SLC4A4: variants seen among roughly 807,000 people sequenced by gnomAD.
SLC4A4 encodes the protein solute carrier family 4 member 4.
A neutral mutation model predicts 111.5 loss-of-function variants in SLC4A4; 27 were observed. The observed-to-expected ratio is 0.24, with a 90% CI of 0.18 to 0.33. The LOEUF (loss-of-function observed/expected upper bound fraction) is 0.33, where lower values mean the gene tolerates loss of function less well. Among genes scored for constraint, SLC4A4 ranks in the 10% least tolerant of loss-of-function variants. The pLI is 1.00. For missense variants in SLC4A4, 909 were observed against 1,315.5 expected, an observed-to-expected ratio of 0.69 and a Z score of 4.78; for synonymous variants, 443 against 463.4, an observed-to-expected ratio of 0.96 and a Z score of 0.57.
chr4:71,335,935 A>AT (rs374067927), intron 3 of SLC4A4, among the ~76,000 whole-genome samples: 62 of 152,188 alleles, frequency 4.1e-4, no homozygotes, highest in African/African-American at 1.4e-3. Flanking sequence ...TATTTAGCAG[A>AT]TTTTTTTCTG....
In SLC4A4 at chr4:71,540,591, G is replaced by A. The variant is rs546795267; in HGVS notation, c.2443-5759G>A. On this transcript the variant is annotated intron_variant, in intron 18 of 25. Coordinates refer to ENST00000264485, the MANE Select transcript of SLC4A4 (RefSeq NM_001098484.3). ...TGGAACACTTGTGTTAGATGTTGAA[G>A]ATAAAAATTGTTCTACATTGCCGTC... Among the ~76,000 whole-genome samples, 22 of 152,268 alleles carry A rather than the reference G, an allele frequency of 1.4e-4. 1 individual carries two copies. Among genetic ancestry groups the A allele is most frequent in the African/African-American group, 4.1e-4 (17 of 41,562 alleles).
In SLC4A4 at chr4:71,487,006, T is replaced by A. The variant is rs762840173; in HGVS notation, c.1962T>A (p.Ser654=). ...CCCCAGAGTATTTGCCAACTATGTC[T>A]TCTACTGACATGGTAAGTGACTTAC... ...TLAPEYLPTM[S]STDMYHNTTF... Residue 654 remains serine, a synonymous_variant, in exon 15 of 26, where the codon TCT becomes TCA. Coordinates refer to ENST00000264485, the MANE Select transcript of SLC4A4 (RefSeq NM_001098484.3). 2.5e-6 allele frequency: 4 copies of A among 1,590,534 alleles called. No homozygotes were observed. The highest frequency in any genetic ancestry group is 3.4e-6 in the Non-Finnish European group (4 of 1,160,212).
At chr4:71,382,198 C>T (rs865776726) in intron 6 of SLC4A4, among the ~76,000 whole-genome samples, 9 of 151,648 alleles carry the variant, frequency 5.9e-5, no homozygotes, top group South Asian at 2.1e-4. Flanking sequence ...AAAAAAAAAT[C>T]AATGATGTGA....
intron 2 of SLC4A4, among the ~76,000 whole-genome samples, chr4:71,129,033 C>A (rs1743630742): frequency 6.6e-6 from 1 of 152,140 alleles, no homozygotes; most frequent in Admixed American, 6.5e-5. Flanking sequence ...CTAGGAAATA[C>A]CATTCTGGAC....
At chr4:71,416,304 A>G (rs1721818615) in intron 7 of SLC4A4, among the ~76,000 whole-genome samples, 3 of 152,210 alleles carry the variant, frequency 2.0e-5, no homozygotes, top group Admixed American at 2.0e-4. Context: ...AACCTTACAT[A>G]TACTGTGATT....
chr4:71,546,685 A>G, intron 19 of SLC4A4, among the ~76,000 whole-genome samples, 157 bp downstream of exon 19: 1 of 152,002 alleles, frequency 6.6e-6, no homozygotes, highest in East Asian at 1.9e-4. Flanking sequence ...TTTTCATCAG[A>G]GGTTTCAGTG....
At chr4:71,265,186 A>G (rs943492273) in intron 3 of SLC4A4, among the ~76,000 whole-genome samples, 1 of 152,178 alleles carries the variant, frequency 6.6e-6, no homozygotes, top group Admixed American at 6.5e-5. Flanking sequence ...ATTTTTGTGT[A>G]TAGGAAGAAG....
At chr4:71,559,916 G>C (rs529288864) in intron 22 of SLC4A4, among the ~76,000 whole-genome samples, 177 bp from the exon 23 acceptor site, 2 of 151,798 alleles carry the variant, frequency 1.3e-5, no homozygotes, top group African/African-American at 4.8e-5. Flanking sequence ...CTTTCCCCAT[G>C]TAGAAAATTA....
intron 7 of SLC4A4, among the ~76,000 whole-genome samples, chr4:71,416,843 C>T (rs1400570481): frequency 6.6e-6 from 1 of 152,118 alleles, no homozygotes; most frequent in African/African-American, 2.4e-5. Flanking sequence ...CAGCTGTTCT[C>T]CCAAAGAAAG....
intron 6 of SLC4A4, among the ~76,000 whole-genome samples, chr4:71,384,642 C>T (rs933318654): frequency 1.6e-5 from 1 of 61,460 alleles, no homozygotes; most frequent in Non-Finnish European, 3.9e-5. Flanking sequence ...TCCCTCCCAC[C>T]AAAAAAAAAA....
intron 2 of SLC4A4, among the ~76,000 whole-genome samples, chr4:71,173,533 A>G (rs1464664090): frequency 2.6e-5 from 4 of 152,150 alleles, no homozygotes; most frequent in African/African-American, 9.7e-5. Flanking sequence ...GGCACATGCC[A>G]CCACGCCAGG....
chr4:71,333,291 T>C (rs894420118), intron 3 of SLC4A4, among the ~76,000 whole-genome samples: 3 of 152,232 alleles, frequency 2.0e-5, no homozygotes, highest in African/African-American at 7.2e-5. Flanking sequence ...GACTTGCAGG[T>C]TTACCACCTT....
chr4:71,535,280 G>A (rs1378853489), intron 18 of SLC4A4, among the ~76,000 whole-genome samples: 1 of 152,102 alleles, frequency 6.6e-6, no homozygotes, highest in East Asian at 1.9e-4. Flanking sequence ...GGTATAGCAG[G>A]AAAAATATTC....
intron 16 of SLC4A4, among the ~76,000 whole-genome samples, chr4:71,509,092 G>A (rs1170328647): frequency 1.3e-5 from 2 of 152,150 alleles, no homozygotes; most frequent in African/African-American, 4.8e-5. Context: ...AGTTATTAAA[G>A]GAAGATACCT....
chr4:71,366,392 A>G (rs1003608311), intron 6 of SLC4A4, among the ~76,000 whole-genome samples: 2 of 151,516 alleles, frequency 1.3e-5, no homozygotes, highest in Non-Finnish European at 2.9e-5. Flanking sequence ...ACACCTTCAC[A>G]TGAACAGATT....
intron 7 of SLC4A4, among the ~76,000 whole-genome samples, chr4:71,415,298 T>C (rs1267971017): frequency 6.6e-6 from 1 of 152,248 alleles, no homozygotes; most frequent in Non-Finnish European, 1.5e-5. Flanking sequence ...TGTATTTTAC[T>C]TTATTCCCTT....
chr4:71,292,692 T>C (rs150957872), intron 3 of SLC4A4, among the ~76,000 whole-genome samples: 1,702 of 151,870 alleles, frequency 0.011, 21 homozygotes, highest in South Asian at 0.019. Context: ...TGCTATACAA[T>C]ATAGGATGTA....
intron 3 of SLC4A4, among the ~76,000 whole-genome samples, chr4:71,268,736 C>T (rs1192845850): frequency 6.6e-6 from 1 of 152,180 alleles, no homozygotes; most frequent in Non-Finnish European, 1.5e-5. Flanking sequence ...TATGTTTTCA[C>T]ACTTTGCTTT....
chr4:71,372,513 C>T (rs1306593910), intron 6 of SLC4A4, among the ~76,000 whole-genome samples: 8 of 152,214 alleles, frequency 5.3e-5, no homozygotes, highest in African/African-American at 1.9e-4. Context: ...TAGCGCTTAT[C>T]TGTGAATTCA....
Sources: allele counts gnomAD v4.1 joint callset (sites outside exome capture counted in the v4.1 genomes callset), GRCh38; gene constraint gnomAD v4.1.1; transcripts MANE v1.5; gene names NCBI Gene and HGNC (gene_info 2026-07-23, HGNC 2026-07-21).